PLEKHA5: variants seen among roughly 807,000 people sequenced by gnomAD.
PLEKHA5 encodes the protein pleckstrin homology domain containing A5.
PLEKHA5 carries 55 observed loss-of-function variants against 181.9 expected under a neutral mutation model. The ratio of observed to expected loss-of-function variants is 0.30; its 90% CI spans 0.24 to 0.38. The LOEUF is 0.38. Among genes scored for constraint, PLEKHA5 ranks in the 10% least tolerant of loss-of-function variants. The probability of loss-of-function intolerance (pLI) is 1.00; values close to 1 mark genes in which losing one functional copy is unlikely to be tolerated. For missense variants in PLEKHA5, 1,432 were observed against 1,549.5 expected, an observed-to-expected ratio of 0.92 and a Z score of 1.27; for synonymous variants, 535 against 529.4, an observed-to-expected ratio of 1.01 and a Z score of -0.15.
chr12:19,224,907 G>A (rs1565486883), intron 3 of PLEKHA5, among the ~76,000 whole-genome samples: 1 of 152,150 alleles, frequency 6.6e-6, no homozygotes, highest in African/African-American at 2.4e-5. Flanking sequence ...AGGCTGGAGT[G>A]GGAGGATTAC....
chr12:19,309,061 CA>C (rs1170350562), intron 15 of PLEKHA5, among the ~76,000 whole-genome samples: 2 of 147,350 alleles, frequency 1.4e-5, no homozygotes, highest in South Asian at 2.2e-4. Context: ...GACTCCATCT[CA>C]AAAAAAAAGA....
Position 19,322,405 on chromosome 12 carries a change from T to G in PLEKHA5, c.2298+15T>G, listed in dbSNP as rs756933860. The G allele has an allele frequency of 2.4e-5, 38 of 1,577,992 alleles. No individual in the cohort carries two copies. Among genetic ancestry groups the G allele is most frequent in the Non-Finnish European group, 3.2e-5 (37 of 1,147,236 alleles). The stretch of plus-strand genomic sequence containing the variant: ...ACAAGGAGAAAGTAGGACAATTATG[T>G]TTATTGTCTACAATTGATGTTACTT... On this transcript the variant is annotated intron_variant, in intron 19 of 31. Transcript: ENST00000429027.
intron 15 of PLEKHA5, among the ~76,000 whole-genome samples, chr12:19,295,915 C>T (rs577932520): frequency 6.6e-6 from 1 of 152,306 alleles, no homozygotes; most frequent in African/African-American, 2.4e-5. Flanking sequence ...CCTAACCACA[C>T]TGAAGAAAAT....
intron 15 of PLEKHA5, chr12:19,307,701 A>G: frequency 2.9e-6 from 1 of 346,286 alleles, no homozygotes; most frequent in East Asian, 8.0e-5. Context: ...ATCTCATTCC[A>G]GAGAGAGAGG....
intron 14 of PLEKHA5, among the ~76,000 whole-genome samples, chr12:19,291,357 T>C (rs1464802535): frequency 6.6e-6 from 1 of 152,202 alleles, no homozygotes; most frequent in Admixed American, 6.5e-5. Context: ...AATTGACATG[T>C]AAAAGTTCTA....
chr12:19,221,179 A>G (rs1365420098), intron 3 of PLEKHA5, among the ~76,000 whole-genome samples: 1 of 152,172 alleles, frequency 6.6e-6, no homozygotes, highest in African/African-American at 2.4e-5. Context: ...ATGTCCACAC[A>G]AAAACCAGCA....
intron 8 of PLEKHA5, among the ~76,000 whole-genome samples, chr12:19,268,120 T>A (rs1446660291): frequency 6.6e-6 from 1 of 152,174 alleles, no homozygotes; most frequent in Non-Finnish European, 1.5e-5. Flanking sequence ...TTAAATTAAC[T>A]TTATCAAAAT....
chr12:19,198,125 C>T (rs2053372347), intron 3 of PLEKHA5, among the ~76,000 whole-genome samples: 1 of 152,172 alleles, frequency 6.6e-6, no homozygotes, highest in Admixed American at 6.5e-5. Flanking sequence ...AATCCATTCT[C>T]CACACTAGCT....
chr12:19,305,489 A>T (rs982493743), intron 15 of PLEKHA5, among the ~76,000 whole-genome samples: 1 of 149,568 alleles, frequency 6.7e-6, no homozygotes, highest in Non-Finnish European at 1.5e-5. Context: ...TGAACCTGGG[A>T]GGCAGAGGTT....
At chr12:19,192,977 A>G (rs2051574637) in intron 3 of PLEKHA5, among the ~76,000 whole-genome samples, 1 of 152,214 alleles carries the variant, frequency 6.6e-6, no homozygotes, top group Non-Finnish European at 1.5e-5. Context: ...GTCTATGGCT[A>G]CTTTCTCACT....
At position 19,369,815 on chromosome 12, in the gene PLEKHA5, T is replaced by C; in HGVS notation, c.*11+17T>C. 1 of 1,411,668 alleles carries C rather than the reference T, an allele frequency of 7.1e-7. No individual in the cohort carries two copies. The highest frequency in any genetic ancestry group is 2.3e-5 in the East Asian group (1 of 43,844). The allele number at this position is 1,411,668 out of a possible 1,614,324, so 87.4% of individuals were successfully genotyped here. A position where few individuals can be genotyped will look rare whatever the true frequency, so the allele number is the denominator to read the frequency against. ...TTAGAAGAAGTACGTCATTTCCCTTTGCATTTGTGCTTTAGTTTTTTACTT... is the reference window on the plus strand; with the variant it reads ...TTAGAAGAAGTACGTCATTTCCCTTCGCATTTGTGCTTTAGTTTTTTACTT... On this transcript the variant is annotated intron_variant, in intron 31 of 31. Transcript: ENST00000429027.
At chr12:19,155,845 C>T (rs1362136444) in intron 3 of PLEKHA5, among the ~76,000 whole-genome samples, 1 of 152,070 alleles carries the variant, frequency 6.6e-6, no homozygotes, top group East Asian at 1.9e-4. Context: ...TACGCATACC[C>T]CTAGAAATAA....
At chr12:19,205,611 T>C (rs1343505692) in intron 3 of PLEKHA5, among the ~76,000 whole-genome samples, 1 of 152,128 alleles carries the variant, frequency 6.6e-6, no homozygotes. Context: ...CTAAATCTTA[T>C]TCTTCTGAAA....
rs80165904 is a variant in PLEKHA5, at chr12:19,319,402, A to G, written c.2119-619A>G. 2.9e-3 allele frequency among the ~76,000 whole-genome samples: 442 copies of G among 152,298 alleles called. 2 individuals are homozygous for G. Among genetic ancestry groups the G allele is most frequent in the African/African-American group, 0.01 (426 of 41,566 alleles). On this transcript the variant is annotated intron_variant, in intron 16 of 31. Coordinates refer to ENST00000429027, the MANE Select transcript of PLEKHA5 (RefSeq NM_001256470.2). Reference sequence around the variant, plus strand: ...ACCTTCTCCTGATTCCCACATTTCTAGATCAATTCAAAGTTATCTCCTGTT... The same window carrying G: ...ACCTTCTCCTGATTCCCACATTTCTGGATCAATTCAAAGTTATCTCCTGTT...
chr12:19,239,809 C>T (rs1192897006), intron 3 of PLEKHA5, among the ~76,000 whole-genome samples: 1 of 152,192 alleles, frequency 6.6e-6, no homozygotes, highest in Non-Finnish European at 1.5e-5. Context: ...TAGCCACTTC[C>T]GTGATGCCTT....
intron 3 of PLEKHA5, among the ~76,000 whole-genome samples, chr12:19,196,338 A>G (rs933459514): frequency 3.9e-5 from 6 of 152,212 alleles, no homozygotes; most frequent in African/African-American, 1.2e-4. Flanking sequence ...AATCTTGTAT[A>G]TTGTTAAATG....
intron 15 of PLEKHA5, among the ~76,000 whole-genome samples, chr12:19,301,399 A>T (rs1392258246): frequency 6.6e-6 from 1 of 152,086 alleles, no homozygotes; most frequent in Non-Finnish European, 1.5e-5. Flanking sequence ...TTTCCTGTGG[A>T]TGCCAGGGAT....
chr12:19,186,020 A>T (rs1427613162), intron 3 of PLEKHA5, among the ~76,000 whole-genome samples: 1 of 152,200 alleles, frequency 6.6e-6, no homozygotes, highest in Non-Finnish European at 1.5e-5. Flanking sequence ...CTCTAGGCTT[A>T]TAAATATACT....
chr12:19,133,899 C>T (rs887083230), intron 3 of PLEKHA5, among the ~76,000 whole-genome samples: 7 of 151,966 alleles, frequency 4.6e-5, no homozygotes, highest in Non-Finnish European at 7.4e-5. Context: ...GATATTGCCA[C>T]GAAAAGGGAT....
Sources: gnomAD v4.1 joint callset for allele counts (sites outside exome capture counted in the v4.1 genomes callset) on GRCh38, gnomAD v4.1.1 for gene constraint, MANE v1.5 for transcripts, NCBI Gene and HGNC (gene_info 2026-07-23, HGNC 2026-07-21) for gene names.